Variants in NFIB observed in about 807,000 individuals in gnomAD.
The protein encoded by NFIB is nuclear factor I B, also known as nuclear factor 1 B-type.
NFIB carries 11 observed loss-of-function variants against 61.5 expected under a neutral mutation model. The ratio of observed to expected loss-of-function variants is 0.18; its 90% confidence interval spans 0.11 to 0.30. NFIB has a LOEUF of 0.30. Ranked by LOEUF, NFIB falls within the 10% of genes least tolerant of loss-of-function variation. The pLI is 1.00. For missense variants in NFIB, 471 were observed against 608.9 expected, an observed-to-expected ratio of 0.77 and a Z score of 2.38; for synonymous variants, 260 against 216.5, an observed-to-expected ratio of 1.20 and a Z score of -1.76.
the NFIB span, among the ~76,000 whole-genome samples, chr9:14,492,321 C>A: frequency 6.6e-6 from 1 of 151,564 alleles, no homozygotes; most frequent in Admixed American, 6.6e-5. Flanking sequence ...CGAGATCACG[C>A]CACTGCACTC....
chr9:14,216,532 C>G (rs1587679312), intron 2 of NFIB, among the ~76,000 whole-genome samples: 42 of 38,840 alleles, frequency 1.1e-3, no homozygotes, highest in East Asian at 4.5e-3. Context: ...CTCTCTCTCT[C>G]TCTCTCTCTC....
intron 2 of NFIB, among the ~76,000 whole-genome samples, chr9:14,299,316 G>C (rs1274598834): frequency 1.3e-5 from 2 of 152,058 alleles, no homozygotes; most frequent in Non-Finnish European, 2.9e-5. Flanking sequence ...CATTCAGCAT[G>C]AGACTATATA....
the NFIB span, among the ~76,000 whole-genome samples, chr9:14,515,967 T>C: frequency 6.6e-6 from 1 of 152,244 alleles, no homozygotes. Flanking sequence ...TAATGGCTGC[T>C]CAGCTGGCTT....
the NFIB span, among the ~76,000 whole-genome samples, chr9:14,457,775 G>C: frequency 1.3e-5 from 2 of 152,146 alleles, no homozygotes; most frequent in Non-Finnish European, 2.9e-5. Flanking sequence ...AGAAGAAATG[G>C]ATAAATTGCT....
intron 1 of NFIB, among the ~76,000 whole-genome samples, chr9:14,328,411 G>A (rs1200795712): frequency 6.6e-6 from 1 of 152,142 alleles, no homozygotes; most frequent in African/African-American, 2.4e-5. Context: ...CTCCCAAAGT[G>A]CTAGGATTAT....
At chr9:14,493,060 T>C in the NFIB span, among the ~76,000 whole-genome samples, 1 of 152,210 alleles carries the variant, frequency 6.6e-6, no homozygotes, top group African/African-American at 2.4e-5. Context: ...TTACTATTGC[T>C]GCTCAAGGGT....
chr9:14,289,672 A>C (rs542506603), intron 2 of NFIB, among the ~76,000 whole-genome samples: 1 of 152,138 alleles, frequency 6.6e-6, no homozygotes, highest in East Asian at 1.9e-4. Context: ...AGACTAATAA[A>C]AAATGACAAG....
At chr9:14,282,379 A>G (rs2058430169) in intron 2 of NFIB, among the ~76,000 whole-genome samples, 1 of 152,196 alleles carries the variant, frequency 6.6e-6, no homozygotes, top group Non-Finnish European at 1.5e-5. Flanking sequence ...AAAAAATCGT[A>G]TTGTGTTTAA....
chr9:14,159,577 C>G (rs1228331586), intron 3 of NFIB, among the ~76,000 whole-genome samples: 1 of 152,186 alleles, frequency 6.6e-6, no homozygotes, highest in Non-Finnish European at 1.5e-5. Flanking sequence ...TCATGCATCT[C>G]TGCAGGCAGC....
chr9:14,462,385 C>T, the NFIB span, among the ~76,000 whole-genome samples: 4 of 151,902 alleles, frequency 2.6e-5, no homozygotes, highest in South Asian at 6.2e-4. Flanking sequence ...CGGGTTCACG[C>T]CATTCTCCTG....
At chr9:14,402,327 G>A (rs186235783), upstream of NFIB, among the ~76,000 whole-genome samples, 81 of 152,232 alleles carry the variant, frequency 5.3e-4, 1 homozygote, top group African/African-American at 1.8e-3. Context: ...CAAAAACTCT[G>A]CAAATCCCAT....
In NFIB at chr9:14,337,689, T is replaced by C. The variant is rs563795817; in HGVS notation, c.109-30169A>G. ...ATGCCCAGGCCACACGTTTCCAACT[T>C]CCTAAAGCTCCTTTGATGTCATTTT... On this transcript the variant is annotated intron_variant, in intron 1 of 8. Transcript: ENST00000380934. 7.2e-5 allele frequency among the ~76,000 whole-genome samples: 11 copies of C among 152,312 alleles called. No homozygotes were observed. In the South Asian group the frequency reaches 1.2e-3, roughly 17 times the overall value.
In NFIB at chr9:14,313,940, A is replaced by G. The variant is rs1588285752; in HGVS notation, c.-429T>C. 1.0e-6 allele frequency: 1 copy of G among 974,368 alleles called. No homozygotes were observed. The highest frequency in any genetic ancestry group is 6.8e-5 in the Admixed American group (1 of 14,740). The allele number at this position is 974,368 out of a possible 1,614,324, so 60.4% of individuals were successfully genotyped here. On this transcript the variant is annotated 5_prime_UTR_variant, in exon 1 of 11. Transcript: ENST00000380953. This position sits in a 1 kb window ranked among gnomAD's most constrained non-coding sequence, Gnocchi z 4.5. ...GTTGGTGGTAAAATGCTTTTTCAAA[A>G]AAGGCGGGGAGGGGGGCGCGGGAGG...
At chr9:14,230,158 T>C (rs2052945161) in intron 2 of NFIB, among the ~76,000 whole-genome samples, 1 of 152,172 alleles carries the variant, frequency 6.6e-6, no homozygotes. Context: ...AAAAGAATGG[T>C]ATAAAATAAT....
chr9:14,268,213 C>T lies in NFIB; in HGVS notation c.562+38776G>A, dbSNP rs182666431. 1.6e-3 allele frequency among the ~76,000 whole-genome samples: 239 copies of T among 151,976 alleles called. 1 individual carries two copies. Among genetic ancestry groups the T allele is most frequent in the African/African-American group, 4.6e-3 (192 of 41,430 alleles). ...GAAAATTTAAAAGCCTGGCTTAAAA[C>T]GACCTCCTCCCTTCACTCCATTTTC... On this transcript the variant is annotated intron_variant, in intron 2 of 10. Transcript: ENST00000380953.
At chr9:14,242,426 C>G (rs977950981) in intron 2 of NFIB, among the ~76,000 whole-genome samples, 1 of 152,126 alleles carries the variant, frequency 6.6e-6, no homozygotes, top group Non-Finnish European at 1.5e-5. Flanking sequence ...TTTAGATCAC[C>G]CATGCCTAAC....
chr9:14,218,696 T>G (rs1423729036), intron 2 of NFIB, among the ~76,000 whole-genome samples: 1 of 152,190 alleles, frequency 6.6e-6, no homozygotes, highest in African/African-American at 2.4e-5. Context: ...GGTTGGGGGT[T>G]TGGCATCTGA....
chr9:14,137,827 T>C (rs1423603929), intron 6 of NFIB, among the ~76,000 whole-genome samples: 1 of 152,150 alleles, frequency 6.6e-6, no homozygotes, highest in Non-Finnish European at 1.5e-5. Context: ...TTTATTACTA[T>C]CTTATTAAAT....
chr9:14,287,446 G>C (rs574730285), intron 2 of NFIB, among the ~76,000 whole-genome samples: 1 of 151,156 alleles, frequency 6.6e-6, no homozygotes, highest in Non-Finnish European at 1.5e-5. Context: ...AAATTGAGAC[G>C]GAGTTCTGCT....
Sources: allele counts gnomAD v4.1 joint callset (sites outside exome capture counted in the v4.1 genomes callset), GRCh38; gene constraint gnomAD v4.1.1; non-coding constraint Gnocchi (gnomAD v3.1); transcripts MANE v1.5; gene names NCBI Gene and HGNC (gene_info 2026-07-23, HGNC 2026-07-21).